The following ZFHX3 variants were observed in gnomAD, a reference collection of about 807,000 sequenced individuals.
The protein encoded by ZFHX3 is zinc finger homeobox 3.
ZFHX3 carries 42 observed loss-of-function variants against 279.1 expected under a neutral mutation model. That is an observed-to-expected ratio of 0.15 (90% confidence interval 0.12 to 0.19). The LOEUF is 0.19. Ranked by LOEUF, ZFHX3 falls within the 10% of genes least tolerant of loss-of-function variation. ZFHX3 has a pLI of 1.00. For synonymous variants in ZFHX3, 2,293 were observed against 1,957.8 expected (o/e 1.17, Z -4.52); for missense variants, 4,981 against 4,754.0 (o/e 1.05, Z -1.40).
intron 1 of ZFHX3, among the ~76,000 whole-genome samples, chr16:73,844,854 A>ATAGG (rs34481608): frequency 0.054 from 8,094 of 150,914 alleles, 252 homozygotes; most frequent in Non-Finnish European, 0.08. Flanking sequence ...TGATAGATGG[A>ATAGG]TAGGTAGGTA....
At chr16:73,865,237 G>T (rs1961980942) in intron 1 of ZFHX3, among the ~76,000 whole-genome samples, 1 of 152,198 alleles carries the variant, frequency 6.6e-6, no homozygotes, top group Admixed American at 6.5e-5. Flanking sequence ...TTTGGGGAGG[G>T]TTTCTTATGC....
At chr16:73,693,565 A>G (rs2053168661) in intron 1 of ZFHX3, among the ~76,000 whole-genome samples, 2 of 152,024 alleles carry the variant, frequency 1.3e-5, no homozygotes, top group African/African-American at 2.4e-5. Flanking sequence ...TTCATGAAGG[A>G]TAAGAGGAAA....
chr16:73,370,373 A>C (rs1289168081), intron 3 of ZFHX3, among the ~76,000 whole-genome samples: 3 of 152,214 alleles, frequency 2.0e-5, no homozygotes, highest in Non-Finnish European at 4.4e-5. Flanking sequence ...TCCCTGAACA[A>C]AAGTATTAAT....
intron 2 of ZFHX3, among the ~76,000 whole-genome samples, chr16:73,649,718 A>G (rs1323798134): frequency 6.6e-6 from 1 of 152,228 alleles, no homozygotes; most frequent in Non-Finnish European, 1.5e-5. Context: ...AAATAAGCTT[A>G]TCTAATAATG....
At chr16:73,150,616 T>G (rs1444512075) in intron 5 of ZFHX3, among the ~76,000 whole-genome samples, 5 of 152,202 alleles carry the variant, frequency 3.3e-5, no homozygotes, top group Admixed American at 6.5e-5. Context: ...TGAAATCACC[T>G]TGAAAAACAT....
intron 2 of ZFHX3, among the ~76,000 whole-genome samples, chr16:73,517,510 T>G (rs1434007011): frequency 1.3e-5 from 2 of 152,230 alleles, no homozygotes; most frequent in East Asian, 3.8e-4. Flanking sequence ...CAGTTTGAGT[T>G]AGTTGTTTCA....
intron 4 of ZFHX3, among the ~76,000 whole-genome samples, chr16:72,876,718 T>C (rs1303274303): frequency 6.6e-6 from 1 of 152,216 alleles, no homozygotes; most frequent in East Asian, 1.9e-4. Context: ...ATGTGAACCA[T>C]AGCTTGCTGC....
chr16:73,240,886 C>T (rs1451961172), intron 5 of ZFHX3, among the ~76,000 whole-genome samples: 3 of 152,200 alleles, frequency 2.0e-5, no homozygotes, highest in Admixed American at 6.5e-5. Context: ...ACTCACAGGG[C>T]ATTTCTGACT....
chr16:73,847,584 C>T (rs890673604), intron 1 of ZFHX3, among the ~76,000 whole-genome samples: 7 of 152,134 alleles, frequency 4.6e-5, no homozygotes, highest in Admixed American at 2.0e-4. Context: ...GAGCCAACTT[C>T]AGCAAGTTAT....
intron 3 of ZFHX3, among the ~76,000 whole-genome samples, chr16:72,908,885 A>AG (rs1486795070): frequency 1.3e-5 from 2 of 152,228 alleles, no homozygotes; most frequent in African/African-American, 4.8e-5. Context: ...CCACTGTTTC[A>AG]GGTTGAGAAA....
intron 5 of ZFHX3, among the ~76,000 whole-genome samples, chr16:72,828,411 A>C (rs1297622504): frequency 6.6e-6 from 1 of 152,144 alleles, no homozygotes; most frequent in Admixed American, 6.5e-5. Context: ...TCTTCCCCTC[A>C]ACATAGAAAG....
At chr16:73,347,173 C>T (rs745602351) in intron 3 of ZFHX3, among the ~76,000 whole-genome samples, 23 of 152,178 alleles carry the variant, frequency 1.5e-4, no homozygotes, top group Admixed American at 3.3e-4. Flanking sequence ...AGTTAAGTCC[C>T]CAATTCATGT....
At chr16:73,320,607 C>T (rs2015556276) in intron 3 of ZFHX3, among the ~76,000 whole-genome samples, 2 of 152,168 alleles carry the variant, frequency 1.3e-5, no homozygotes, top group South Asian at 4.1e-4. Context: ...ACAGCCCTAC[C>T]TATCTACCTG....
At chr16:73,819,420 C>A (rs937263302) in intron 1 of ZFHX3, among the ~76,000 whole-genome samples, 1 of 151,564 alleles carries the variant, frequency 6.6e-6, no homozygotes. Context: ...CTAAAATCTC[C>A]CTTTGTTGAC....
At chr16:73,494,489 C>T (rs540494937) in intron 2 of ZFHX3, among the ~76,000 whole-genome samples, 3 of 152,192 alleles carry the variant, frequency 2.0e-5, no homozygotes, top group Admixed American at 1.3e-4. Flanking sequence ...GTTGATGCAC[C>T]GACCTAATCA....
At chr16:72,850,983 G>T (rs947716029) in intron 4 of ZFHX3, among the ~76,000 whole-genome samples, 2 of 152,116 alleles carry the variant, frequency 1.3e-5, no homozygotes, top group African/African-American at 4.8e-5. Context: ...GGGCCCAGGA[G>T]CCTGACTGAG....
intron 8 of ZFHX3, among the ~76,000 whole-genome samples, chr16:73,081,963 G>A (rs1965951847): frequency 6.6e-6 from 1 of 150,882 alleles, no homozygotes; most frequent in Admixed American, 6.6e-5. Flanking sequence ...CAGCCTCCTG[G>A]GTAGCTGAGA....
At chr16:73,676,772 T>A (rs2052958775) in intron 2 of ZFHX3, among the ~76,000 whole-genome samples, 1 of 150,360 alleles carries the variant, frequency 6.7e-6, no homozygotes, top group South Asian at 2.1e-4. Flanking sequence ...AAAAGACGAG[T>A]GAACATACAC....
At chr16:72,962,257 G>C (rs979282481) in intron 1 of ZFHX3, among the ~76,000 whole-genome samples, 3 of 152,222 alleles carry the variant, frequency 2.0e-5, no homozygotes, top group Non-Finnish European at 2.9e-5. Flanking sequence ...AGAGAAACCT[G>C]CAAGCGTTTA....
Sources: gnomAD v4.1 joint callset for allele counts (sites outside exome capture counted in the v4.1 genomes callset) on GRCh38, gnomAD v4.1.1 for gene constraint, MANE v1.5 for transcripts, NCBI Gene and HGNC (gene_info 2026-07-23, HGNC 2026-07-21) for gene names.